Variants in PKHD1L1 observed in about 807,000 individuals in gnomAD.
PKHD1L1 encodes fibrocystin-L.
In PKHD1L1, 434 loss-of-function variants were observed where a neutral mutation model predicts 462.9. That is an observed-to-expected ratio of 0.94 (90% CI 0.87 to 1.02). The LOEUF is 1.02. Among genes scored for constraint, PKHD1L1 ranks in the 50% least tolerant of loss-of-function variants. The probability of loss-of-function intolerance (pLI) is 0.00; values close to 1 mark genes in which losing one functional copy is unlikely to be tolerated. For missense variants in PKHD1L1, 5,202 were observed against 5,096.1 expected, an observed-to-expected ratio of 1.02 and a Z score of -0.63; for synonymous variants, 1,781 against 1,750.0, an observed-to-expected ratio of 1.02 and a Z score of -0.44.
At chr8:109,409,647 A>G (rs1329469134) in intron 18 of PKHD1L1, among the ~76,000 whole-genome samples, 2 of 152,198 alleles carry the variant, frequency 1.3e-5, no homozygotes, top group African/African-American at 4.8e-5. Flanking sequence ...ATTGTATGTA[A>G]CTATTGTTAT....
At position 109,444,983 on chromosome 8, in the gene PKHD1L1, T is replaced by G. The variant is rs1586528641; in HGVS notation, c.5114T>G (p.Val1705Gly). 3 of 1,613,976 alleles carry G rather than the reference T, an allele frequency of 1.9e-6. No individual in the cohort carries two copies. Among genetic ancestry groups the G allele is most frequent in the Non-Finnish European group, 1.7e-6 (2 of 1,179,870 alleles). ...CATTTCCCATGTAAAGTTCTATCAG[T>G]GAATTATACGGCCATTGAATGTGAA... ...MGHFPCKVLS[V>G]NYTAIECETS... The change falls in exon 38 of 78, where the codon GTG (valine) becomes GGG (glycine). Residue 1705 changes from valine to glycine, a missense_variant. Coordinates refer to ENST00000378402, the MANE Select transcript of PKHD1L1 (RefSeq NM_177531.6).
At chr8:109,370,063 G>A (rs1413806825) in intron 2 of PKHD1L1, among the ~76,000 whole-genome samples, 1 of 152,152 alleles carries the variant, frequency 6.6e-6, no homozygotes, top group Non-Finnish European at 1.5e-5. Context: ...GCTGGAGGAA[G>A]GCTACAGCCT....
chr8:109,511,968 G>A (rs553681442), intron 71 of PKHD1L1, among the ~76,000 whole-genome samples: 69 of 152,118 alleles, frequency 4.5e-4, no homozygotes, highest in Non-Finnish European at 5.7e-4. Context: ...TTTTTCATGC[G>A]TTTTTTTGGC....
chr8:109,525,620 G>A (rs1820777255), intron 76 of PKHD1L1, among the ~76,000 whole-genome samples: 1 of 151,954 alleles, frequency 6.6e-6, no homozygotes, highest in African/African-American at 2.4e-5. Flanking sequence ...TCCTCTATGT[G>A]GTCTTTCCAT....
chr8:109,383,133 TATTATTG>T lies in PKHD1L1; in HGVS notation c.417+563_417+569del, dbSNP rs1812219592. 4.2e-5 allele frequency among the ~76,000 whole-genome samples: 4 copies of T among 94,422 alleles called. No individual in the cohort carries two copies. The East Asian group carries it at 1.1e-3, about 25-fold the overall frequency. The allele number at this position is 94,422 out of a possible 152,430, so 61.9% of individuals were successfully genotyped here. A position where few individuals can be genotyped will look rare whatever the true frequency, so the allele number is the denominator to read the frequency against. Reference sequence around the variant, plus strand: ...GTTATATATAATATATAGTTATATATATTATTGTATATATTATATATATTTATATATA... The same window carrying T: ...GTTATATATAATATATAGTTATATATTATATATTATATATATTTATATATA... On this transcript the variant is annotated intron_variant, in intron 4 of 77. Transcript: ENST00000378402.
At chr8:109,418,110 T>A (rs1207945068) in intron 21 of PKHD1L1, among the ~76,000 whole-genome samples, 1 of 152,224 alleles carries the variant, frequency 6.6e-6, no homozygotes, top group African/African-American at 2.4e-5. Context: ...AGTTTTGATA[T>A]CATTTTCAGT....
At position 109,536,864 on chromosome 8, in the gene PKHD1L1, G is replaced by A. The variant is rs1471076982; in HGVS notation, c.*6774G>A. Among the ~76,000 whole-genome samples, 1 of 151,972 alleles carries A rather than the reference G, an allele frequency of 6.6e-6. No individual in the cohort carries two copies. Among genetic ancestry groups the A allele is most frequent in the East Asian group, 1.9e-4 (1 of 5,194 alleles). On this transcript the variant is annotated 3_prime_UTR_variant, in exon 78 of 78. Coordinates refer to ENST00000378402, the MANE Select transcript of PKHD1L1 (RefSeq NM_177531.6). ...ATAGAAAGTTAATTTTCATTTAATA[G>A]AAAAGAAATAAAAAATCTGCTTCAG...
chr8:109,510,924 A>T lies in PKHD1L1; in HGVS notation c.11543A>T (p.Asp3848Val). 6.2e-7 allele frequency: 1 copy of T among 1,612,658 alleles called. No individual in the cohort carries two copies. Residue 3848 changes from aspartate (D) to valine (V), a missense_variant, in exon 71 of 78, where the codon GAT becomes GTT. This residue lies in a region of PKHD1L1 where 698 missense variants were observed against 736.3 expected (regional missense o/e 0.95). Transcript: ENST00000378402. Reference sequence around the variant, plus strand: ...CTTCGACTGATGTTGCTTAATGTTGATCATAACAAGGTAGGGCAAGATGTC... The same window carrying T: ...CTTCGACTGATGTTGCTTAATGTTGTTCATAACAAGGTAGGGCAAGATGTC... ...QNLRLMLLNV[D>V]HNKAVLVGIF...
At chr8:109,461,214 A>C (rs1235869711) in intron 47 of PKHD1L1, among the ~76,000 whole-genome samples, 1 of 152,208 alleles carries the variant, frequency 6.6e-6, no homozygotes, top group Non-Finnish European at 1.5e-5. Context: ...CTTAAATAAT[A>C]GTCTTTTCTT....
intron 71 of PKHD1L1, 124 bp from the exon 72 acceptor site, chr8:109,515,046 C>A: frequency 4.0e-6 from 3 of 753,246 alleles, no homozygotes; most frequent in Non-Finnish European, 5.9e-6. Context: ...CATCCCTTAT[C>A]CCAAATCCAT....
chr8:109,454,247 G>C lies in PKHD1L1; in HGVS notation c.6744+1G>C. 1 of 1,589,372 alleles carries C rather than the reference G, an allele frequency of 6.3e-7. No individual in the cohort carries two copies. Among genetic ancestry groups the C allele is most frequent in the Non-Finnish European group, 8.6e-7 (1 of 1,165,030 alleles). On this transcript the variant is annotated splice_donor_variant, in intron 44 of 77. Coordinates refer to ENST00000378402, the MANE Select transcript of PKHD1L1 (RefSeq NM_177531.6). LOFTEE classifies it high-confidence loss of function. ...AATTACAGATGGAGGTGTTCTTCAG[G>C]TATTCAAAAGAACATAATACATATT... is the stretch of plus-strand genomic sequence containing the variant.
chr8:109,443,567 T>G, intron 36 of PKHD1L1, 109 bp from the exon 37 acceptor site: 4 of 896,372 alleles, frequency 4.5e-6, no homozygotes, highest in Non-Finnish European at 6.7e-6. Context: ...CAAAAAAGAT[T>G]TACCAGAATT....
At position 109,394,649 on chromosome 8, in the gene PKHD1L1, A is replaced by G. The variant is rs547721414; in HGVS notation, c.811+164A>G. Among the ~76,000 whole-genome samples, 7 of 152,340 alleles carry G rather than the reference A, an allele frequency of 4.6e-5. No homozygotes were observed. The South Asian group carries it at 1.5e-3, about 32-fold the overall frequency. On this transcript the variant is annotated intron_variant, in intron 10 of 77. Transcript: ENST00000378402. Reference sequence around the variant, plus strand: ...GGGGAGTCTAACAGGAAGCTACAACATTAAGCATGACCTCCCCCACAGCAG... The same window carrying G: ...GGGGAGTCTAACAGGAAGCTACAACGTTAAGCATGACCTCCCCCACAGCAG...
At position 109,404,999 on chromosome 8, in the gene PKHD1L1, TA is replaced by T; in HGVS notation, c.1540del (p.Thr514HisfsTer19). ...QSTILQEVQV[I>X]TLENWETTNA... is the part of the protein sequence containing the mutation. ...TGTTTCTTAATTGGAAAATAGGTTA[TA>T]ACATTGGAAAACTGGGAAACAACTA... is the stretch of plus-strand genomic sequence containing the variant. On this transcript the variant is annotated frameshift_variant, in exon 16 of 78. Coordinates refer to ENST00000378402, the MANE Select transcript of PKHD1L1 (RefSeq NM_177531.6). LOFTEE classifies it high-confidence loss of function. The T allele has an allele frequency of 6.7e-7, 1 of 1,495,262 alleles. No homozygotes were observed. 92.6% of individuals were successfully genotyped at this position (1,495,262 alleles called of 1,614,324 possible). A position where few individuals can be genotyped will look rare whatever the true frequency, so the allele number is the denominator to read the frequency against.
At chr8:109,374,083 G>A (rs1241957433) in intron 2 of PKHD1L1, among the ~76,000 whole-genome samples, 1 of 152,156 alleles carries the variant, frequency 6.6e-6, no homozygotes, top group Admixed American at 6.5e-5. Flanking sequence ...TCGTTGATCT[G>A]TCTAATGTTG....
At chr8:109,442,221 C>A in intron 35 of PKHD1L1, 26 bp downstream of exon 35, 1 of 1,568,952 alleles carries the variant, frequency 6.4e-7, no homozygotes, top group South Asian at 1.2e-5. Context: ...TTGGGTTTTG[C>A]ATCATGTCAC....
intron 55 of PKHD1L1, 50 bp from the exon 56 acceptor site, chr8:109,481,383 T>G: frequency 1.3e-6 from 2 of 1,497,648 alleles, no homozygotes; most frequent in South Asian, 2.7e-5. Context: ...TGGGTGGATT[T>G]TTTTTCCTGG....
At chr8:109,431,845 C>T (rs1473016836) in intron 27 of PKHD1L1, among the ~76,000 whole-genome samples, 2 of 152,134 alleles carry the variant, frequency 1.3e-5, no homozygotes, top group African/African-American at 4.8e-5. Context: ...CCCAGACGTG[C>T]TATTACTGGA....
intron 7 of PKHD1L1, among the ~76,000 whole-genome samples, 180 bp from the exon 8 acceptor site, chr8:109,388,899 T>C (rs1434876112): frequency 6.6e-6 from 1 of 152,204 alleles, no homozygotes; most frequent in Non-Finnish European, 1.5e-5. Flanking sequence ...TGTATAAAAT[T>C]TTATGCAAAC....
Sources: gnomAD v4.1 joint callset for allele counts (sites outside exome capture counted in the v4.1 genomes callset) on GRCh38, gnomAD v4.1.1 for gene constraint, gnomAD v4.1.1 regional missense constraint, MANE v1.5 for transcripts, NCBI Gene and HGNC (gene_info 2026-07-23, HGNC 2026-07-21) for gene names.